MKLN1: variants seen among roughly 807,000 people sequenced by gnomAD.
MKLN1 encodes muskelin 1.
In MKLN1, 18 loss-of-function variants were observed where a neutral mutation model predicts 99.0. The ratio of observed to expected loss-of-function variants is 0.18; its 90% CI spans 0.13 to 0.27. The LOEUF is 0.27. Ranked by LOEUF, MKLN1 falls within the 10% of genes least tolerant of loss-of-function variation. The probability of loss-of-function intolerance (pLI) is 1.00; values close to 1 mark genes in which losing one functional copy is unlikely to be tolerated. For synonymous variants in MKLN1, 288 were observed against 293.2 expected, an observed-to-expected ratio of 0.98 and a Z score of 0.18; for missense variants, 621 against 875.9, an observed-to-expected ratio of 0.71 and a Z score of 3.67.
intron 2 of MKLN1, among the ~76,000 whole-genome samples, chr7:131,379,107 G>T (rs1584673698): frequency 6.6e-6 from 1 of 152,150 alleles, no homozygotes; most frequent in African/African-American, 2.4e-5. Context: ...GACTATCCAT[G>T]AAACCTTGTG....
At chr7:131,304,543 G>A (rs1249103643) in intron 3 of MKLN1, among the ~76,000 whole-genome samples, 3 of 152,174 alleles carry the variant, frequency 2.0e-5, no homozygotes, top group Non-Finnish European at 4.4e-5. Flanking sequence ...TATCATAAAA[G>A]GAAATGCTTT....
Position 131,404,884 on chromosome 7 carries a change from G to A in MKLN1, c.703+5451G>A, listed in dbSNP as rs138899528. On this transcript the variant is annotated intron_variant, in intron 6 of 17. Transcript: ENST00000352689. ...AGTGCTAGAATTACAGTTGTGAGCCGCCACCCTCAGCCGAATTACTTCTTT... is the reference window on the plus strand; with the variant it reads ...AGTGCTAGAATTACAGTTGTGAGCCACCACCCTCAGCCGAATTACTTCTTT... Among the ~76,000 whole-genome samples the A allele has an allele frequency of 5.0e-3, 767 of 151,980 alleles. 4 individuals are homozygous for A. The highest frequency in any genetic ancestry group is 0.017 in the African/African-American group (717 of 41,422).
At chr7:131,116,551 C>T (rs1224467366) in intron 1 of MKLN1, among the ~76,000 whole-genome samples, 2 of 151,910 alleles carry the variant, frequency 1.3e-5, no homozygotes, top group East Asian at 3.8e-4. Context: ...ATGGAGTTAG[C>T]CCTTGATGAT....
At position 131,255,863 on chromosome 7, in the gene MKLN1, G is replaced by A. The variant is rs889844074; in HGVS notation, c.-179+52889G>A. Among the ~76,000 whole-genome samples, 4 of 151,004 alleles carry A rather than the reference G, an allele frequency of 2.6e-5. 1 individual carries two copies. The highest frequency in any genetic ancestry group is 4.2e-4 in the South Asian group (2 of 4,762). On this transcript the variant is annotated intron_variant, in intron 3 of 7. Coordinates refer to the MKLN1 transcript ENST00000416992. ...CCCAAAGTGCTGGGATTACAGGTGT[G>A]AGCCACTGTGCCCGACCTATTTATT...
rs533868108 is a variant in MKLN1, at chr7:131,487,055, G to A, written c.2087-552G>A. 6.2e-4 allele frequency among the ~76,000 whole-genome samples: 94 copies of A among 152,170 alleles called. No homozygotes were observed. Among genetic ancestry groups the A allele is most frequent in the African/African-American group, 2.1e-3 (88 of 41,528 alleles). On this transcript the variant is annotated intron_variant, in intron 17 of 17. Coordinates refer to ENST00000352689, the MANE Select transcript of MKLN1 (RefSeq NM_013255.5). The surrounding 1 kb of genome is among the most constrained non-coding windows in gnomAD (Gnocchi z 4.7). Reference sequence around the variant, plus strand: ...TATTGTACATGTATCTCCCTCAGTCGTCTCTGTTACCACTCAGTTCCCTGA... The same window carrying A: ...TATTGTACATGTATCTCCCTCAGTCATCTCTGTTACCACTCAGTTCCCTGA...
Position 131,437,886 on chromosome 7 carries a change from C to T in MKLN1, c.1062C>T (p.Ser354=). 1 of 1,613,584 alleles carries T rather than the reference C, an allele frequency of 6.2e-7. No individual in the cohort carries two copies. Among genetic ancestry groups the T allele is most frequent in the Middle Eastern group, 1.7e-4 (1 of 6,060 alleles). ...GRYLDSSVRN[S]KSLKSDFYRY... ...ACTTGGATTCCTCTGTGAGGAACAG[C>T]AAATCTCTGAAAAGTGACTTCTATC... Residue 354 remains serine (S), a synonymous_variant, in exon 10 of 18, where the codon AGC becomes AGT. Transcript: ENST00000352689.
intron 12 of MKLN1, among the ~76,000 whole-genome samples, chr7:131,462,650 C>A (rs1269097868): frequency 6.6e-6 from 1 of 152,138 alleles, no homozygotes; most frequent in Admixed American, 6.5e-5. Flanking sequence ...TATTCAGGCA[C>A]TATTCTAGAC....
At position 131,465,818 on chromosome 7, in the gene MKLN1, C is replaced by T. The variant is rs545751265; in HGVS notation, c.1789-458C>T. Among the ~76,000 whole-genome samples, 7 of 152,268 alleles carry T rather than the reference C, an allele frequency of 4.6e-5. No homozygotes were observed. The South Asian group carries it at 1.5e-3, about 32-fold the overall frequency. ...CCTCCCAAAGTGCTGGGATTACAGG[C>T]GTGAGCCACCGCGCCTGGCCTAAAA... On this transcript the variant is annotated intron_variant, in intron 14 of 17. Transcript: ENST00000352689.
intron 3 of MKLN1, among the ~76,000 whole-genome samples, chr7:131,267,414 G>A (rs544875505): frequency 6.6e-6 from 1 of 152,176 alleles, no homozygotes; most frequent in South Asian, 2.1e-4. Context: ...CTCCACCAGG[G>A]TCCTGACTAT....
intron 2 of MKLN1, among the ~76,000 whole-genome samples, chr7:131,178,263 C>A (rs1796328533): frequency 6.7e-6 from 1 of 148,348 alleles, no homozygotes; most frequent in South Asian, 2.2e-4. Context: ...ATTACAGGCG[C>A]CTGCCACATG....
chr7:131,484,815 A>T (rs551986463), intron 17 of MKLN1, among the ~76,000 whole-genome samples: 1 of 152,118 alleles, frequency 6.6e-6, no homozygotes, highest in African/African-American at 2.4e-5. Context: ...TAGAACTCTT[A>T]TGTATTTTAA....
chr7:131,470,945 G>A lies in MKLN1; in HGVS notation c.2031+1G>A. On this transcript the variant is annotated splice_donor_variant, in intron 16 of 17. Coordinates refer to ENST00000352689, the MANE Select transcript of MKLN1 (RefSeq NM_013255.5). LOFTEE classifies it high-confidence loss of function. ...TTCAGACCCAGAAGAGACAAAAGAGGTAAAGAAAGGTGGTAATAAATTTCA... is the reference window on the plus strand; with the variant it reads ...TTCAGACCCAGAAGAGACAAAAGAGATAAAGAAAGGTGGTAATAAATTTCA... 1 of 1,562,146 alleles carries A rather than the reference G, an allele frequency of 6.4e-7. No homozygotes were observed. The highest frequency in any genetic ancestry group is 8.8e-7 in the Non-Finnish European group (1 of 1,141,626).
At chr7:131,376,303 G>A (rs1374997149) in intron 2 of MKLN1, among the ~76,000 whole-genome samples, 2 of 147,602 alleles carry the variant, frequency 1.4e-5, no homozygotes, top group Admixed American at 6.8e-5. Flanking sequence ...CTAGGCGTTC[G>A]AGGCTAGCCT....
chr7:131,311,258 T>C (rs191077927), intron 3 of MKLN1: 1 of 152,282 alleles, frequency 6.6e-6, no homozygotes, highest in Non-Finnish European at 1.5e-5. Flanking sequence ...TTATAGACAA[T>C]TGTAACTGCT....
intron 3 of MKLN1, among the ~76,000 whole-genome samples, chr7:131,206,690 G>A (rs1337191049): frequency 6.6e-6 from 1 of 151,828 alleles, no homozygotes; most frequent in Admixed American, 6.6e-5. Flanking sequence ...AGGGTAGTTA[G>A]GACTACAGGC....
intron 13 of MKLN1, among the ~76,000 whole-genome samples, chr7:131,463,922 G>C (rs1309985718): frequency 6.6e-6 from 1 of 152,124 alleles, no homozygotes; most frequent in Non-Finnish European, 1.5e-5. Flanking sequence ...CTGCAGCTAA[G>C]GAATTTATTA....
chr7:131,126,110 T>C (rs1366778287), intron 1 of MKLN1, among the ~76,000 whole-genome samples: 1 of 151,788 alleles, frequency 6.6e-6, no homozygotes, highest in Non-Finnish European at 1.5e-5. Flanking sequence ...ATCTGGTTGT[T>C]CTGGAAGTGT....
At chr7:131,116,102 G>C (rs949009500) in intron 1 of MKLN1, among the ~76,000 whole-genome samples, 1 of 151,996 alleles carries the variant, frequency 6.6e-6, no homozygotes, top group Non-Finnish European at 1.5e-5. Context: ...TCAGGAGATC[G>C]AGACCATCCT....
intron 16 of MKLN1, among the ~76,000 whole-genome samples, chr7:131,475,888 A>G (rs534644894): frequency 6.6e-6 from 1 of 152,344 alleles, no homozygotes; most frequent in South Asian, 2.1e-4. Context: ...ATTTTTCATG[A>G]ACATAAATGT....
Sources: gnomAD v4.1 joint callset for allele counts (sites outside exome capture counted in the v4.1 genomes callset) on GRCh38, gnomAD v4.1.1 for gene constraint, Gnocchi (gnomAD v3.1) non-coding constraint, MANE v1.5 for transcripts, NCBI Gene and HGNC (gene_info 2026-07-23, HGNC 2026-07-21) for gene names.